Variants in TMEM217B observed in about 807,000 individuals in gnomAD.
The protein encoded by TMEM217B is putative transmembrane protein 217B.
At chr6:37,253,602 C>T in the TMEM217B span, among the ~76,000 whole-genome samples, 1 of 152,158 alleles carries the variant, frequency 6.6e-6, no homozygotes, top group African/African-American at 2.4e-5. Context: ...TTAGGTGGCC[C>T]AACATTGCAC....
chr6:37,232,710 C>T, the TMEM217B span, among the ~76,000 whole-genome samples: 1 of 152,206 alleles, frequency 6.6e-6, no homozygotes, highest in African/African-American at 2.4e-5. Context: ...TATCTTTCCT[C>T]CTCTACCCTG....
At chr6:37,231,226 A>ATTTT in the TMEM217B span, among the ~76,000 whole-genome samples, 11 of 87,444 alleles carry the variant, frequency 1.3e-4, no homozygotes, top group East Asian at 3.9e-4. Flanking sequence ...TGCCTGGCTA[A>ATTTT]TTTTTTTTTT....
chr6:37,243,664 T>A, the TMEM217B span, among the ~76,000 whole-genome samples: 4 of 152,190 alleles, frequency 2.6e-5, no homozygotes, highest in Admixed American at 6.5e-5. Context: ...AATGGCATGA[T>A]CTCGGCTCAC....
At chr6:37,250,672 C>T in the TMEM217B span, among the ~76,000 whole-genome samples, 1 of 152,248 alleles carries the variant, frequency 6.6e-6, no homozygotes, top group Non-Finnish European at 1.5e-5. Context: ...TACATCACAA[C>T]CAAGTATCTC....
At chr6:37,240,493 T>A in the TMEM217B span, among the ~76,000 whole-genome samples, 1 of 149,756 alleles carries the variant, frequency 6.7e-6, no homozygotes, top group Non-Finnish European at 1.5e-5. Flanking sequence ...GAGTAAGTGA[T>A]GAGAGAGAGA....
the TMEM217B span, chr6:37,257,630 C>T: frequency 2.3e-6 from 1 of 439,600 alleles, no homozygotes; most frequent in Non-Finnish European, 4.1e-6. Context: ...CCAAGCTCCG[C>T]CTTCCCCGTC....
At chr6:37,214,293 T>C in the TMEM217B span, among the ~76,000 whole-genome samples, 1 of 152,202 alleles carries the variant, frequency 6.6e-6, no homozygotes, top group Non-Finnish European at 1.5e-5. Flanking sequence ...AGTGGTACGA[T>C]CTTGGATCAC....
the TMEM217B span, among the ~76,000 whole-genome samples, chr6:37,234,648 AT>A: frequency 6.6e-6 from 1 of 152,240 alleles, no homozygotes; most frequent in Admixed American, 6.5e-5. Flanking sequence ...AGGCAAGAGA[AT>A]TACTTGAACC....
the TMEM217B span, chr6:37,257,862 G>C: frequency 1.3e-6 from 2 of 1,585,876 alleles, no homozygotes; most frequent in Non-Finnish European, 1.7e-6. Flanking sequence ...GGGTCTGGGG[G>C]CATCTCGCCG....
At chr6:37,247,621 C>T in the TMEM217B span, among the ~76,000 whole-genome samples, 21 of 152,132 alleles carry the variant, frequency 1.4e-4, no homozygotes, top group African/African-American at 4.3e-4. Flanking sequence ...CTCCTGACCT[C>T]GTGATTCACC....
the TMEM217B span, among the ~76,000 whole-genome samples, chr6:37,250,036 T>C: frequency 6.6e-6 from 1 of 152,192 alleles, no homozygotes; most frequent in African/African-American, 2.4e-5. Flanking sequence ...AGATAAAATA[T>C]GGTATTATAA....
At chr6:37,243,742 G>A in the TMEM217B span, among the ~76,000 whole-genome samples, 678 of 152,290 alleles carry the variant, frequency 4.5e-3, 5 homozygotes, top group Middle Eastern at 0.044. Context: ...GGGATTACAG[G>A]CATGCACCAC....
At chr6:37,217,684 A>G in the TMEM217B span, 1 of 985,334 alleles carries the variant, frequency 1.0e-6, no homozygotes. Context: ...CTGGAATAAA[A>G]CAGAAGACAC....
chr6:37,252,709 G>C, the TMEM217B span, among the ~76,000 whole-genome samples: 2 of 143,476 alleles, frequency 1.4e-5, no homozygotes, highest in South Asian at 2.2e-4. Context: ...GCACAATCTC[G>C]GCTCCCTGCA....
At chr6:37,224,230 C>T in the TMEM217B span, among the ~76,000 whole-genome samples, 6 of 150,556 alleles carry the variant, frequency 4.0e-5, no homozygotes, top group East Asian at 6.0e-4. Flanking sequence ...TGAGCCACCG[C>T]GCCCGGCCTC....
At chr6:37,239,755 A>G in the TMEM217B span, among the ~76,000 whole-genome samples, 3 of 151,830 alleles carry the variant, frequency 2.0e-5, no homozygotes, top group Non-Finnish European at 4.4e-5. Context: ...GGAAAATAAC[A>G]ATGACAACGA....
chr6:37,255,949 C>G, the TMEM217B span, among the ~76,000 whole-genome samples: 3 of 152,148 alleles, frequency 2.0e-5, no homozygotes, highest in African/African-American at 7.2e-5. Context: ...AATAACAGGG[C>G]TTTTCTGGGT....
At chr6:37,250,878 G>A in the TMEM217B span, among the ~76,000 whole-genome samples, 132 of 152,344 alleles carry the variant, frequency 8.7e-4, 2 homozygotes, top group South Asian at 2.1e-4. Flanking sequence ...ATGCTATGGA[G>A]TGTTTGTGTC....
chr6:37,232,486 C>T, the TMEM217B span, among the ~76,000 whole-genome samples: 3 of 152,256 alleles, frequency 2.0e-5, no homozygotes, highest in East Asian at 1.9e-4. Flanking sequence ...CCGGGGTTCA[C>T]GCCATTCTCC....
Sources: allele counts gnomAD v4.1 joint callset (sites outside exome capture counted in the v4.1 genomes callset), GRCh38; gene constraint gnomAD v4.1.1; transcripts MANE v1.5; gene names NCBI Gene and HGNC (gene_info 2026-07-23, HGNC 2026-07-21).